Variants in ZMYND8 observed in about 807,000 individuals in gnomAD.
ZMYND8 encodes the protein MYND-type zinc finger-containing chromatin reader ZMYND8.
A neutral mutation model predicts 140.8 loss-of-function variants in ZMYND8; 37 were observed. The observed-to-expected ratio is 0.26, with a 90% CI of 0.20 to 0.35. The LOEUF is 0.35. Among genes scored for constraint, ZMYND8 ranks in the 10% least tolerant of loss-of-function variants. The pLI, the probability that ZMYND8 is intolerant of heterozygous loss-of-function variation, is 1.00. For missense variants in ZMYND8, 1,068 were observed against 1,570.0 expected, an observed-to-expected ratio of 0.68 and a Z score of 5.40; for synonymous variants, 592 against 597.1, an observed-to-expected ratio of 0.99 and a Z score of 0.12.
intron 6 of ZMYND8, among the ~76,000 whole-genome samples, chr20:47,290,613 T>C (rs1601636540): frequency 1.1e-5 from 1 of 93,872 alleles, no homozygotes; most frequent in African/African-American, 4.6e-5. Flanking sequence ...TTTTTGGAGG[T>C]GGAGTTTTGC....
At chr20:47,214,921 GAA>G (rs1268090029) in intron 21 of ZMYND8, among the ~76,000 whole-genome samples, 2 of 152,106 alleles carry the variant, frequency 1.3e-5, no homozygotes, top group Admixed American at 1.3e-4. Flanking sequence ...CGTCTTTTAA[GAA>G]AAAAGTCTCT....
intron 2 of ZMYND8, among the ~76,000 whole-genome samples, chr20:47,345,031 T>C (rs1393072813): frequency 1.3e-5 from 2 of 152,054 alleles, no homozygotes; most frequent in Admixed American, 1.3e-4. Flanking sequence ...GGTGGGAAGA[T>C]AGCTTGAGCC....
At chr20:47,286,755 G>C (rs1183276192) in intron 8 of ZMYND8, among the ~76,000 whole-genome samples, 1 of 152,180 alleles carries the variant, frequency 6.6e-6, no homozygotes, top group Non-Finnish European at 1.5e-5. Context: ...TAAGAGGTCT[G>C]TTCCATCCAC....
chr20:47,353,425 GCTAA>G (rs1462189131), intron 1 of ZMYND8: 1 of 152,162 alleles, frequency 6.6e-6, no homozygotes, highest in Non-Finnish European at 1.5e-5. Flanking sequence ...GCGCCAACGG[GCTAA>G]CTATGATCAG....
In ZMYND8 at chr20:47,347,923, C is replaced by A. The variant is rs1054226088; in HGVS notation, c.18G>T (p.Leu6Phe). 15 of 1,613,752 alleles carry A rather than the reference C, an allele frequency of 9.3e-6. No individual in the cohort carries two copies. The highest frequency in any genetic ancestry group is 1.3e-5 in the Non-Finnish European group (15 of 1,179,982). MHPQS[L>F]AEEEIKTEQE... ...GTTCTGTTTTTATTTCCTCTTCAGC[C>A]AAGCTGAAACAGAGCAAATTATGTT... The change falls in exon 2 of 23, where the codon TTG becomes TTT. Residue 6 changes from leucine (L) to phenylalanine (F), a missense_variant. Leu to Phe is a conservative substitution (Grantham distance 22). This residue lies in a region of ZMYND8 where 77 missense variants were observed against 85.1 expected (regional missense o/e 0.91). Coordinates refer to ENST00000471951, the MANE Select transcript of ZMYND8 (RefSeq NM_001281775.3).
chr20:47,255,763 T>C (rs1371186425), intron 12 of ZMYND8, among the ~76,000 whole-genome samples: 69 of 89,016 alleles, frequency 7.8e-4, no homozygotes, highest in East Asian at 2.6e-3. Context: ...TATATATATA[T>C]ACGGTATATA....
chr20:47,276,825 A>T lies in ZMYND8; in HGVS notation c.999-30T>A. On this transcript the variant is annotated intron_variant, in intron 10 of 22. Coordinates refer to ENST00000471951, the MANE Select transcript of ZMYND8 (RefSeq NM_001281775.3). ...AAGGGCAAAAGATAAAGAGAGTTTAAGTCAACTTCAGTAATTTCCAAGATT... is the reference window on the plus strand; with the variant it reads ...AAGGGCAAAAGATAAAGAGAGTTTATGTCAACTTCAGTAATTTCCAAGATT... 2 of 1,528,966 alleles carry T rather than the reference A, an allele frequency of 1.3e-6. 1 individual carries two copies. The highest frequency in any genetic ancestry group is 3.5e-4 in the Middle Eastern group (2 of 5,702). 94.7% of individuals were successfully genotyped at this position (1,528,966 alleles called of 1,614,324 possible).
intron 4 of ZMYND8, among the ~76,000 whole-genome samples, chr20:47,297,913 A>G (rs939917306): frequency 5.3e-5 from 8 of 152,330 alleles, no homozygotes; most frequent in Middle Eastern, 3.4e-3. Context: ...CAGGAGGCAT[A>G]CACACTGCCC....
At chr20:47,290,036 C>T in intron 7 of ZMYND8, 151 bp downstream of exon 7, 1 of 624,030 alleles carries the variant, frequency 1.6e-6, no homozygotes, top group Non-Finnish European at 2.5e-6. Flanking sequence ...TTAAAATGAA[C>T]TTGGTCACTG....
intron 2 of ZMYND8, among the ~76,000 whole-genome samples, chr20:47,337,464 C>T (rs1193123153): frequency 6.6e-6 from 1 of 152,136 alleles, no homozygotes; most frequent in Non-Finnish European, 1.5e-5. Context: ...CCCACGAGTT[C>T]AAGAGCAGCC....
intron 1 of ZMYND8, 76 bp from the exon 2 acceptor site, chr20:47,348,002 T>C: frequency 2.8e-6 from 4 of 1,429,858 alleles, no homozygotes; most frequent in Non-Finnish European, 3.9e-6. Context: ...TTGGAAGTTC[T>C]AGCAACAAAC....
intron 14 of ZMYND8, among the ~76,000 whole-genome samples, chr20:47,243,441 T>C (rs1004327594): frequency 1.3e-5 from 2 of 152,220 alleles, no homozygotes; most frequent in Non-Finnish European, 1.5e-5. Flanking sequence ...CCTGGAGAAA[T>C]TCCCTTCAGA....
chr20:47,354,685 G>T (rs2083075781), intron 1 of ZMYND8: 1 of 152,162 alleles, frequency 6.6e-6, no homozygotes, highest in African/African-American at 2.4e-5. Flanking sequence ...ACTCCATAAA[G>T]TTGACATAAC....
At chr20:47,289,800 TGA>T (rs2077144674) in intron 7 of ZMYND8, among the ~76,000 whole-genome samples, 1 of 152,230 alleles carries the variant, frequency 6.6e-6, no homozygotes, top group Admixed American at 6.5e-5. Context: ...TGGTTCCTGT[TGA>T]GAGTGGGTTT....
rs887464347 is a variant in ZMYND8 at position 47,245,404 on chromosome 20, G to A, written c.2284+604C>T. Among the ~76,000 whole-genome samples, 19 of 152,088 alleles carry A rather than the reference G, an allele frequency of 1.2e-4. 1 individual carries two copies. Among genetic ancestry groups the A allele is most frequent in the African/African-American group, 4.6e-4 (19 of 41,422 alleles). ...TGGGATTACAGGCGCCTGCTACCAC[G>A]CCCCGCTAATTTTTGTATTTTAGTA... is the stretch of plus-strand genomic sequence containing the variant. On this transcript the variant is annotated intron_variant, in intron 14 of 22. Transcript: ENST00000471951.
intron 16 of ZMYND8, among the ~76,000 whole-genome samples, chr20:47,231,470 C>T (rs1250463072): frequency 2.0e-5 from 3 of 152,212 alleles, no homozygotes; most frequent in East Asian, 1.9e-4. Flanking sequence ...AAAAACCACG[C>T]AAACACTGCA....
chr20:47,278,789 T>C (rs982951856), intron 10 of ZMYND8, among the ~76,000 whole-genome samples: 1 of 152,074 alleles, frequency 6.6e-6, no homozygotes, highest in African/African-American at 2.4e-5. Context: ...AGAAGCCAGA[T>C]GCTCTCAAGG....
At chr20:47,356,348 A>C (rs1308020561) in intron 1 of ZMYND8, 1 of 1,460,406 alleles carries the variant, frequency 6.8e-7, no homozygotes, top group African/African-American at 1.4e-5. Context: ...AAAAAAAAAG[A>C]AGGAAAAAAA....
At chr20:47,251,378 G>A (rs2074157121) in intron 12 of ZMYND8, among the ~76,000 whole-genome samples, 3 of 152,064 alleles carry the variant, frequency 2.0e-5, no homozygotes, top group African/African-American at 7.2e-5. Context: ...TTGAGGCCAG[G>A]AGTTCGAGAC....
Sources: allele counts gnomAD v4.1 joint callset (sites outside exome capture counted in the v4.1 genomes callset), GRCh38; gene constraint gnomAD v4.1.1; regional missense constraint gnomAD v4.1.1; transcripts MANE v1.5; gene names NCBI Gene and HGNC (gene_info 2026-07-23, HGNC 2026-07-21).